BAAT: variants seen among roughly 807,000 people sequenced by gnomAD.
The protein encoded by BAAT is bile acid CoA: amino acid N-acyltransferase (glycine N-choloyltransferase).
A neutral mutation model predicts 18.9 loss-of-function variants in BAAT; 13 were observed. That is an observed-to-expected ratio of 0.69 (90% confidence interval 0.45 to 1.10). BAAT has a LOEUF of 1.10. Among genes scored for constraint, BAAT ranks in the 50% least tolerant of loss-of-function variants. The pLI is 0.00. For missense variants in BAAT, 489 were observed against 504.0 expected (o/e 0.97, Z 0.28); for synonymous variants, 170 against 190.7 (o/e 0.89, Z 0.89).
intron 1 of BAAT, among the ~76,000 whole-genome samples, chr9:101,374,305 G>A (rs1830003221): frequency 1.3e-5 from 2 of 151,994 alleles, no homozygotes; most frequent in Non-Finnish European, 2.9e-5. Flanking sequence ...CTCCTCCAAG[G>A]CCCTATCAGA....
chr9:101,377,242 G>T (rs1298383763), intron 1 of BAAT, among the ~76,000 whole-genome samples: 1 of 152,088 alleles, frequency 6.6e-6, no homozygotes, highest in Non-Finnish European at 1.5e-5. Context: ...AGTCCCTGCT[G>T]GTTCCCCAAC....
At chr9:101,378,910 G>C (rs1830088517) in intron 1 of BAAT, among the ~76,000 whole-genome samples, 1 of 152,192 alleles carries the variant, frequency 6.6e-6, no homozygotes, top group South Asian at 2.1e-4. Context: ...TCATCAAAAA[G>C]TGGGTGAAGG....
intron 1 of BAAT, among the ~76,000 whole-genome samples, chr9:101,373,112 C>G (rs1277842646): frequency 6.6e-6 from 1 of 152,040 alleles, no homozygotes; most frequent in African/African-American, 2.4e-5. Flanking sequence ...TCATATTTCA[C>G]AAACTGTTCT....
Position 101,371,036 on chromosome 9 carries a change from C to T in BAAT, c.369G>A (p.Lys123=). The T allele has an allele frequency of 6.2e-7, 1 of 1,614,108 alleles. No homozygotes were observed. The highest frequency in any genetic ancestry group is 8.5e-7 in the Non-Finnish European group (1 of 1,180,012). Residue 123 remains lysine, a synonymous_variant, in exon 2 of 4, where the codon AAG becomes AAA. Coordinates refer to ENST00000259407, the MANE Select transcript of BAAT (RefSeq NM_001701.4). ...ACCACCTCTCCAAAGTCAGGCTGGC[C>T]TTTGGAGCACTGGCAACTTTATTGT... ...IVNNKVASAP[K]ASLTLERWYV... is the part of the protein sequence containing the mutation.
In BAAT at chr9:101,362,355, T is replaced by G; in HGVS notation, c.*73A>C. On this transcript the variant is annotated 3_prime_UTR_variant, in exon 4 of 4. Transcript: ENST00000259407. ...TGTGTGTGGCAGCTGGGGGAGACAT[T>G]CCGCCATGAAAATTGAGAGAAGGTC... 6.8e-7 allele frequency: 1 copy of G among 1,466,866 alleles called. No individual in the cohort carries two copies. The allele number at this position is 1,466,866 out of a possible 1,614,324, so 90.9% of individuals were successfully genotyped here.
intron 3 of BAAT, 117 bp from the exon 4 acceptor site, chr9:101,363,132 C>T (rs1829767509): frequency 1.1e-6 from 1 of 934,426 alleles, no homozygotes; most frequent in Non-Finnish European, 1.7e-6. Flanking sequence ...ATTAATCCTA[C>T]CCACATCCCT....
intron 1 of BAAT, chr9:101,376,624 A>G (rs1486582222): frequency 6.6e-6 from 1 of 152,216 alleles, no homozygotes. Flanking sequence ...GCCTCACTAG[A>G]ACAGTCAGCA....
rs1244478622 is a variant in BAAT, at chr9:101,368,472, G to A, written c.467-150C>T. ...AATAAAAACATGAGAACACAAAGCA[G>A]AAATGCAAAATTACATTCAAATGTA... On this transcript the variant is annotated intron_variant, in intron 2 of 3. Coordinates refer to ENST00000259407, the MANE Select transcript of BAAT (RefSeq NM_001701.4). 10 of 720,852 alleles carry A rather than the reference G, an allele frequency of 1.4e-5. No homozygotes were observed. In the East Asian group the frequency reaches 2.8e-4, roughly 21 times the overall value. 44.7% of individuals were successfully genotyped at this position (720,852 alleles called of 1,614,324 possible). A position where few individuals can be genotyped will look rare whatever the true frequency, so the allele number is the denominator to read the frequency against.
At chr9:101,367,482 A>G (rs983980271) in intron 3 of BAAT, among the ~76,000 whole-genome samples, 3 of 151,102 alleles carry the variant, frequency 2.0e-5, no homozygotes, top group Non-Finnish European at 4.4e-5. Flanking sequence ...TTCTATGATA[A>G]GCATTTTGCA....
Position 101,362,609 on chromosome 9 carries a change from C to T in BAAT, c.1076G>A (p.Gly359Glu). 1 of 1,614,112 alleles carries T rather than the reference C, an allele frequency of 6.2e-7. No homozygotes were observed. Among genetic ancestry groups the T allele is most frequent in the Non-Finnish European group, 8.5e-7 (1 of 1,180,018 alleles). The change falls in exon 4 of 4, where the codon GGG becomes GAG. Residue 359 changes from glycine to glutamate, a missense_variant. Physicochemically the swap from Gly to Glu is moderately conservative, Grantham distance 98. Transcript: ENST00000259407. ...KNNWTLLSYPGAGHLIEPPYS... is the reference protein window; with the variant it reads ...KNNWTLLSYPEAGHLIEPPYS... ...GGGAGGTTCTATCAGGTGGCCTGCC[C>T]CAGGGTAAGATAGCAGGGTCCAGTT...
intron 1 of BAAT, among the ~76,000 whole-genome samples, chr9:101,372,068 A>G (rs1383272042): frequency 7.2e-5 from 11 of 152,132 alleles, no homozygotes; most frequent in Non-Finnish European, 1.5e-5. Flanking sequence ...ATAACCAAAT[A>G]CCTCATGTTC....
chr9:101,374,026 G>A (rs1452109029), intron 1 of BAAT, among the ~76,000 whole-genome samples: 2 of 152,120 alleles, frequency 1.3e-5, no homozygotes, highest in African/African-American at 4.8e-5. Flanking sequence ...CAAATGAGAA[G>A]TAACTTTTCA....
chr9:101,361,070 C>T lies in BAAT; in HGVS notation c.*1358G>A, dbSNP rs1229615362. 6.3e-6 allele frequency: 1 copy of T among 158,582 alleles called. No homozygotes were observed. Among genetic ancestry groups the T allele is most frequent in the Admixed American group, 6.5e-5 (1 of 15,404 alleles). The allele number at this position is 158,582 out of a possible 1,614,324, so 9.8% of individuals were successfully genotyped here. A position where few individuals can be genotyped will look rare whatever the true frequency, so the allele number is the denominator to read the frequency against. Reference sequence around the variant, plus strand: ...TGTAGACTGTTCCAATAAATCACAACCAGGAAGGCCAGCAAGTGTAGATGA... The same window carrying T: ...TGTAGACTGTTCCAATAAATCACAATCAGGAAGGCCAGCAAGTGTAGATGA... On this transcript the variant is annotated 3_prime_UTR_variant, in exon 4 of 4. Transcript: ENST00000259407.
At chr9:101,382,587 C>T (rs184597732) in intron 1 of BAAT, among the ~76,000 whole-genome samples, 186 of 152,318 alleles carry the variant, frequency 1.2e-3, no homozygotes, top group Admixed American at 2.5e-3. Context: ...GTTTTCCTTT[C>T]TTTCCTGTTC....
intron 3 of BAAT, among the ~76,000 whole-genome samples, chr9:101,365,749 G>T (rs980712407): frequency 1.3e-5 from 2 of 152,078 alleles, no homozygotes; most frequent in African/African-American, 2.4e-5. Context: ...GGCCAGGCTG[G>T]TCTTGAACCC....
Position 101,362,219 on chromosome 9 carries a change from G to C in BAAT, c.*209C>G, listed in dbSNP as rs561091010. ...ATGTAAATAATAAGTAAAATGATTT[G>C]TTTTATGATTTATTCACCATGTCCA... On this transcript the variant is annotated 3_prime_UTR_variant, in exon 4 of 4. Transcript: ENST00000259407. 8.0e-6 allele frequency: 5 copies of C among 624,220 alleles called. No homozygotes were observed. Among genetic ancestry groups the C allele is most frequent in the Non-Finnish European group, 1.4e-5 (5 of 358,768 alleles). The allele number at this position is 624,220 out of a possible 1,614,324, so 38.7% of individuals were successfully genotyped here. A position where few individuals can be genotyped will look rare whatever the true frequency, so the allele number is the denominator to read the frequency against.
intron 1 of BAAT, among the ~76,000 whole-genome samples, chr9:101,374,782 TAAG>T (rs1185614146): frequency 1.1e-4 from 16 of 152,166 alleles, no homozygotes; most frequent in Admixed American, 1.0e-3. Context: ...ATGAAATCTT[TAAG>T]AACAGGTATA....
chr9:101,373,667 T>C (rs1173396514), intron 1 of BAAT, among the ~76,000 whole-genome samples: 3 of 152,232 alleles, frequency 2.0e-5, no homozygotes, highest in Non-Finnish European at 2.9e-5. Flanking sequence ...AACTAAAACG[T>C]CAAGCTTCAA....
In BAAT at chr9:101,371,388, G is replaced by C. The variant is rs771170573; in HGVS notation, c.17C>G (p.Ala6Gly). Residue 6 changes from alanine (A) to glycine (G), a missense_variant, in exon 2 of 4, where the codon GCT becomes GGT. Transcript: ENST00000259407. ...ATCAACAAGTGCACTCACAGGGGTA[G>C]CTGTCAACTGGATCATTTTTTTAGT... MIQLT[A>G]TPVSALVDEP... 4 of 1,610,794 alleles carry C rather than the reference G, an allele frequency of 2.5e-6. No individual in the cohort carries two copies. In the Admixed American group the frequency reaches 6.7e-5, roughly 27 times the overall value.
Sources: gnomAD v4.1 joint callset for allele counts (sites outside exome capture counted in the v4.1 genomes callset) on GRCh38, gnomAD v4.1.1 for gene constraint, MANE v1.5 for transcripts, NCBI Gene and HGNC (gene_info 2026-07-23, HGNC 2026-07-21) for gene names.